Variants in HECW1 observed in about 807,000 individuals in gnomAD.
HECW1 encodes the protein E3 ubiquitin-protein ligase HECW1.
A neutral mutation model predicts 182.3 loss-of-function variants in HECW1; 61 were observed. That is an observed-to-expected ratio of 0.33 (90% CI 0.27 to 0.41). The LOEUF (loss-of-function observed/expected upper bound fraction) is 0.41, where lower values mean the gene tolerates loss of function less well. Among genes scored for constraint, HECW1 ranks in the 10% least tolerant of loss-of-function variants. HECW1 has a pLI of 1.00. For missense variants in HECW1, 1,739 were observed against 2,108.9 expected, an observed-to-expected ratio of 0.82 and a Z score of 3.44; for synonymous variants, 859 against 832.6, an observed-to-expected ratio of 1.03 and a Z score of -0.55.
At chr7:43,224,187 T>A (rs959415643) in intron 2 of HECW1, among the ~76,000 whole-genome samples, 1 of 152,238 alleles carries the variant, frequency 6.6e-6, no homozygotes, top group African/African-American at 2.4e-5. Flanking sequence ...AATGAATAGA[T>A]GTATTTGCTA....
intron 16 of HECW1, among the ~76,000 whole-genome samples, chr7:43,478,046 T>C (rs1282512837): frequency 6.6e-6 from 1 of 152,230 alleles, no homozygotes; most frequent in Admixed American, 6.5e-5. Flanking sequence ...TTATGAGAGA[T>C]AATTTTAAAT....
intron 2 of HECW1, among the ~76,000 whole-genome samples, chr7:43,177,775 A>C (rs1792404635): frequency 6.6e-6 from 1 of 152,106 alleles, no homozygotes; most frequent in South Asian, 2.1e-4. Context: ...TCTGGCTGGC[A>C]CCCTTCCTCC....
At chr7:43,140,822 TGGTGAGGGCTTGCTTTCTGGCTTCCC>T in intron 2 of HECW1, among the ~76,000 whole-genome samples, 1 of 152,164 alleles carries the variant, frequency 6.6e-6, no homozygotes, top group South Asian at 2.1e-4. Flanking sequence ...AGTCCGTTCC[TGGTGAGGGCTTGCTTTCTGGCTTCCC>T]GGTGGCCACC....
intron 3 of HECW1, among the ~76,000 whole-genome samples, chr7:43,257,666 G>T (rs1409218092): frequency 6.6e-6 from 1 of 152,158 alleles, no homozygotes; most frequent in Non-Finnish European, 1.5e-5. Flanking sequence ...ACTAGTAAAA[G>T]CAGTGTGTTG....
intron 2 of HECW1, among the ~76,000 whole-genome samples, chr7:43,238,081 A>G (rs1022828407): frequency 5.9e-5 from 9 of 152,198 alleles, no homozygotes; most frequent in African/African-American, 2.2e-4. Flanking sequence ...AGGATTAGCT[A>G]TTATTCTTAG....
intron 5 of HECW1, among the ~76,000 whole-genome samples, chr7:43,331,426 T>TA (rs1043572894): frequency 6.0e-5 from 9 of 151,246 alleles, no homozygotes; most frequent in African/African-American, 9.7e-5. Flanking sequence ...CCATCTCTAC[T>TA]AAAAAAAATA....
intron 2 of HECW1, among the ~76,000 whole-genome samples, chr7:43,198,767 TCTCTCACA>T (rs1188639627): frequency 2.3e-4 from 32 of 137,628 alleles, no homozygotes; most frequent in African/African-American, 7.5e-4. Flanking sequence ...ATTTGCACAC[TCTCTCACA>T]CACACTCCAC....
intron 2 of HECW1, among the ~76,000 whole-genome samples, chr7:43,175,915 A>G (rs1186663931): frequency 6.6e-6 from 1 of 152,072 alleles, no homozygotes. Flanking sequence ...TCAAGTCTTA[A>G]ATTTCTCTTA....
At chr7:43,232,243 A>G (rs1337099918) in intron 2 of HECW1, among the ~76,000 whole-genome samples, 3 of 152,170 alleles carry the variant, frequency 2.0e-5, no homozygotes, top group Admixed American at 2.0e-4. Context: ...ACAAGTCTCT[A>G]TTTGTGCCAG....
intron 2 of HECW1, among the ~76,000 whole-genome samples, chr7:43,116,645 TTCCATCC>T (rs1785076800): frequency 6.6e-6 from 1 of 152,174 alleles, no homozygotes; most frequent in Non-Finnish European, 1.5e-5. Context: ...CTGCTTCCTT[TTCCATCC>T]TAAAAAACAG....
chr7:43,502,154 T>C (rs998099593), intron 21 of HECW1, among the ~76,000 whole-genome samples: 2 of 152,234 alleles, frequency 1.3e-5, no homozygotes, highest in Non-Finnish European at 2.9e-5. Flanking sequence ...GCCTTGTGAC[T>C]CTGAATCGAT....
chr7:43,560,578 T>A (rs972400209), intron 29 of HECW1, among the ~76,000 whole-genome samples: 1 of 152,060 alleles, frequency 6.6e-6, no homozygotes, highest in African/African-American at 2.4e-5. Flanking sequence ...AAACCCCACC[T>A]TCCCTCTTTC....
intron 3 of HECW1, among the ~76,000 whole-genome samples, chr7:43,247,743 G>A (rs1481439734): frequency 8.7e-6 from 1 of 115,400 alleles, no homozygotes; most frequent in East Asian, 2.6e-4. Context: ...AGGAAGGAAG[G>A]AGGGAGGGAG....
chr7:43,522,911 C>T (rs1166335183), intron 24 of HECW1: 1 of 315,382 alleles, frequency 3.2e-6, no homozygotes, highest in Non-Finnish European at 6.5e-6. Flanking sequence ...ATATTTATTC[C>T]AAAAACAGCT....
intron 3 of HECW1, among the ~76,000 whole-genome samples, chr7:43,265,737 A>G (rs367776617): frequency 4.2e-4 from 64 of 152,260 alleles, no homozygotes; most frequent in African/African-American, 1.5e-3. Flanking sequence ...CATTCTCACA[A>G]GGCTGCTCCC....
At chr7:43,297,198 A>G (rs1266523160) in intron 3 of HECW1, among the ~76,000 whole-genome samples, 2 of 152,208 alleles carry the variant, frequency 1.3e-5, no homozygotes, top group African/African-American at 2.4e-5. Flanking sequence ...AGCTTTACAA[A>G]CAATAGATAT....
chr7:43,211,508 C>T (rs1796008483), intron 2 of HECW1, among the ~76,000 whole-genome samples: 1 of 152,054 alleles, frequency 6.6e-6, no homozygotes, highest in South Asian at 2.1e-4. Context: ...GGGACAGTGT[C>T]CTCCCACCAG....
intron 25 of HECW1, 74 bp from the exon 26 acceptor site, chr7:43,541,795 T>C: frequency 7.6e-7 from 1 of 1,308,732 alleles, no homozygotes; most frequent in Non-Finnish European, 9.9e-7. Flanking sequence ...CCAGGAATGA[T>C]ATAACCACAT....
At chr7:43,314,530 G>A (rs1808941479) in intron 4 of HECW1, among the ~76,000 whole-genome samples, 1 of 152,132 alleles carries the variant, frequency 6.6e-6, no homozygotes. Flanking sequence ...TAGTAGAGGA[G>A]GGGGTGGGTA....
Sources: allele counts gnomAD v4.1 joint callset (sites outside exome capture counted in the v4.1 genomes callset), GRCh38; gene constraint gnomAD v4.1.1; transcripts MANE v1.5; gene names NCBI Gene and HGNC (gene_info 2026-07-23, HGNC 2026-07-21).